The following C16orf96 variants were observed in gnomAD, a reference collection of about 807,000 sequenced individuals.
C16orf96 encodes the protein uncharacterized protein C16orf96.
A neutral mutation model predicts 103.6 loss-of-function variants in C16orf96; 108 were observed. The ratio of observed to expected loss-of-function variants is 1.04; its 90% confidence interval spans 0.89 to 1.22. The LOEUF (loss-of-function observed/expected upper bound fraction) is 1.22. Among genes scored for constraint, C16orf96 ranks in the 50% most tolerant of loss-of-function variants. The probability of loss-of-function intolerance (pLI) is 0.00; values close to 1 mark genes in which losing one functional copy is unlikely to be tolerated. For missense variants in C16orf96, 1,586 were observed against 1,464.2 expected (o/e 1.08, Z -1.36); for synonymous variants, 566 against 593.5 (o/e 0.95, Z 0.67).
chr16:4,569,220 A>T (rs2141707884), intron 1 of C16orf96, among the ~76,000 whole-genome samples: 1 of 152,004 alleles, frequency 6.6e-6, no homozygotes, highest in African/African-American at 2.4e-5. Context: ...CACTGGCCTC[A>T]GCCTCCCAAA....
In C16orf96 at chr16:4,568,105, A is replaced by G. The variant is rs1226927317; in HGVS notation, c.421-3456A>G. 2.6e-5 allele frequency among the ~76,000 whole-genome samples: 4 copies of G among 152,094 alleles called. No homozygotes were observed. In the East Asian group the frequency reaches 7.7e-4, roughly 29 times the overall value. On this transcript the variant is annotated intron_variant, in intron 1 of 15. Coordinates refer to ENST00000444310, the MANE Select transcript of C16orf96 (RefSeq NM_001145011.2). ...TGAATTATAGAGACGGGAGCTCACT[A>G]TGTTGCCCAGGCTGGTCTGGAACTC... is the stretch of plus-strand genomic sequence containing the variant.
chr16:4,580,079 T>C lies in C16orf96; in HGVS notation c.2306T>C (p.Leu769Ser), dbSNP rs1278462060. 6.5e-7 allele frequency: 1 copy of C among 1,547,864 alleles called. No homozygotes were observed. The highest frequency in any genetic ancestry group is 2.0e-5 in the Admixed American group (1 of 50,544). The change falls in exon 7 of 16, where the codon TTG becomes TCG. Residue 769 changes from leucine to serine, a missense_variant. By Grantham distance (145) the Leu-to-Ser change is moderately radical. Coordinates refer to ENST00000444310, the MANE Select transcript of C16orf96 (RefSeq NM_001145011.2). ...ATGATGAAGGATCGCTACATCACTT[T>C]GGACAAGGCGGTGGAGAACCTGCAG... is the stretch of plus-strand genomic sequence containing the variant. ...IEMMKDRYIT[L>S]DKAVENLQIR...
At chr16:4,596,014 G>A (rs1452956953) in intron 14 of C16orf96, among the ~76,000 whole-genome samples, 3 of 152,040 alleles carry the variant, frequency 2.0e-5, no homozygotes, top group Admixed American at 6.6e-5. Context: ...TCTTGCCAAC[G>A]CTGTGCCTCC....
chr16:4,571,434 C>G, intron 1 of C16orf96, 127 bp from the exon 2 acceptor site: 2 of 705,740 alleles, frequency 2.8e-6, no homozygotes, highest in Non-Finnish European at 2.3e-6. Flanking sequence ...CTTGTAGGTT[C>G]CAGTCTAGGC....
At position 4,573,623 on chromosome 16, in the gene C16orf96, G is replaced by C. The variant is rs1461067340; in HGVS notation, c.526-1086G>C. Reference sequence around the variant, plus strand: ...AAAAATTAGCTGGATGTGGTGGCAGGTACCTGTAGTCCCAGTTACTCAGGA... The same window carrying C: ...AAAAATTAGCTGGATGTGGTGGCAGCTACCTGTAGTCCCAGTTACTCAGGA... On this transcript the variant is annotated intron_variant, in intron 2 of 15. Coordinates refer to ENST00000444310, the MANE Select transcript of C16orf96 (RefSeq NM_001145011.2). Among the ~76,000 whole-genome samples the C allele has an allele frequency of 5.4e-4, 82 of 150,518 alleles. 1 individual carries two copies. Among genetic ancestry groups the C allele is most frequent in the Non-Finnish European group, 3.0e-5 (2 of 67,658 alleles).
At position 4,594,357 on chromosome 16, in the gene C16orf96, GCAGTGGCTGCAGCTC is replaced by G; in HGVS notation, c.2878_2892del (p.Trp960_Gln964del). 1 of 1,550,918 alleles carries G rather than the reference GCAGTGGCTGCAGCTC, an allele frequency of 6.4e-7. No homozygotes were observed. On this transcript the variant is annotated inframe_deletion, in exon 13 of 16. Transcript: ENST00000444310. ...ACCCACTGCCCTGCTGCAGGGAACAGCAGTGGCTGCAGCTCCAGGACCTCGGTATCCAGGAGGATT... is the reference window on the plus strand; with the variant it reads ...ACCCACTGCCCTGCTGCAGGGAACAGCAGGACCTCGGTATCCAGGAGGATT...
chr16:4,556,609 C>T lies in C16orf96; in HGVS notation c.120C>T (p.Ala40=), dbSNP rs765707375. Residue 40 remains alanine, a synonymous_variant, in exon 1 of 16, where the codon GCC becomes GCT. Transcript: ENST00000444310. ...GCATCTTGGAGCACATCCACATGGC[C>T]GAGCTCAAGAAAGTCCTCTCAGGCG... ...LHGILEHIHM[A]ELKKVLSGDE... is the part of the protein sequence containing the mutation. The T allele has an allele frequency of 6.4e-5, 100 of 1,551,572 alleles. No homozygotes were observed. Among genetic ancestry groups the T allele is most frequent in the Middle Eastern group, 1.7e-4 (1 of 6,012 alleles).
At chr16:4,564,451 T>C (rs1376120233) in intron 1 of C16orf96, among the ~76,000 whole-genome samples, 1 of 152,182 alleles carries the variant, frequency 6.6e-6, no homozygotes, top group Admixed American at 6.5e-5. Context: ...CTCCCCATTT[T>C]ACTCCCTCAG....
At chr16:4,594,555 C>T in intron 13 of C16orf96, 45 bp downstream of exon 13, 1 of 1,544,808 alleles carries the variant, frequency 6.5e-7, no homozygotes, top group Non-Finnish European at 8.8e-7. Flanking sequence ...GACGTCAGCG[C>T]ACCCCAGCCC....
chr16:4,571,237 G>T (rs1290697382), intron 1 of C16orf96, among the ~76,000 whole-genome samples: 14 of 152,196 alleles, frequency 9.2e-5, no homozygotes, highest in Admixed American at 9.2e-4. Flanking sequence ...ATCCTCCAGT[G>T]GCTCCTACCC....
At position 4,575,739 on chromosome 16, in the gene C16orf96, C is replaced by G; in HGVS notation, c.1259C>G (p.Pro420Arg). Reference protein sequence around the residue: ...LGVLRPTQPQPSRAPPPATEF... With the variant: ...LGVLRPTQPQRSRAPPPATEF... ...GTCCTGCGGCCAACTCAGCCCCAAC[C>G]CTCCAGGGCCCCACCACCAGCCACT... The change falls in exon 5 of 16, where the codon CCC becomes CGC. Residue 420 changes from proline to arginine, a missense_variant. Pro to Arg is a moderately radical substitution (Grantham distance 103, BLOSUM62 -2). Transcript: ENST00000444310. 1.9e-6 allele frequency: 3 copies of G among 1,540,526 alleles called. No individual in the cohort carries two copies. Among genetic ancestry groups the G allele is most frequent in the Non-Finnish European group, 2.6e-6 (3 of 1,141,984 alleles).
At chr16:4,565,294 T>A (rs1342655776) in intron 1 of C16orf96, among the ~76,000 whole-genome samples, 1 of 152,120 alleles carries the variant, frequency 6.6e-6, no homozygotes, top group Admixed American at 6.6e-5. Context: ...AAGCCCTGAA[T>A]GTGGCCCAGT....
intron 1 of C16orf96, among the ~76,000 whole-genome samples, chr16:4,559,519 C>T (rs1285488104): frequency 6.6e-6 from 1 of 151,468 alleles, no homozygotes; most frequent in Admixed American, 6.6e-5. Flanking sequence ...CCACTGCACT[C>T]CAGCCTGGGC....
chr16:4,594,248 G>A, intron 12 of C16orf96, 103 bp from the exon 13 acceptor site: 1 of 1,349,642 alleles, frequency 7.4e-7, no homozygotes, highest in Non-Finnish European at 1.0e-6. Context: ...CAAGCTGAAA[G>A]AAATGCTGGT....
At position 4,600,313 on chromosome 16, in the gene C16orf96, C is replaced by T. The variant is rs756786079; in HGVS notation, c.3422C>T (p.Pro1141Leu). ...AAGCCCCCCGAGGAGCCCGCCAACC[C>T]GTGAGCCCCACCCCGCTGCGCCCCC... is the stretch of plus-strand genomic sequence containing the variant. ...GRKPPEEPAN[P>L] Residue 1141 changes from proline to leucine, a missense_variant, in exon 16 of 16, where the codon CCG becomes CTG. Pro to Leu is a moderately conservative substitution (Grantham distance 98). Transcript: ENST00000444310. 5.4e-5 allele frequency: 84 copies of T among 1,548,180 alleles called. No individual in the cohort carries two copies. The highest frequency in any genetic ancestry group is 3.8e-4 in the Middle Eastern group (2 of 5,222).
At chr16:4,547,689 C>CTTCTTTCTTTCTTTCTTTCTTTCTTTCT in the C16orf96 span, among the ~76,000 whole-genome samples, 160 of 22,498 alleles carry the variant, frequency 7.1e-3, 2 homozygotes, top group African/African-American at 0.011. Context: ...TCCTTCCTTC[C>CTTCTTTCTTTCTTTCTTTCTTTCTTTCT]TTCTTTCTTT....
rs1374846831 is a variant in C16orf96 at position 4,600,658 on chromosome 16, T to C, written c.*341T>C. 2 of 331,844 alleles carry C rather than the reference T, an allele frequency of 6.0e-6. No homozygotes were observed. Among genetic ancestry groups the C allele is most frequent in the African/African-American group, 4.2e-5 (2 of 47,344 alleles). 20.6% of individuals were successfully genotyped at this position (331,844 alleles called of 1,614,324 possible). A position where few individuals can be genotyped will look rare whatever the true frequency, so the allele number is the denominator to read the frequency against. On this transcript the variant is annotated 3_prime_UTR_variant, in exon 16 of 16. Transcript: ENST00000444310. ...GAGGGGTCTGTGTAGGGGACCCCCA[T>C]GCTGACCCAGTGGCTGTTTTATCCT... is the stretch of plus-strand genomic sequence containing the variant.
At chr16:4,566,980 A>T (rs1399619529) in intron 1 of C16orf96, among the ~76,000 whole-genome samples, 5 of 151,464 alleles carry the variant, frequency 3.3e-5, no homozygotes, top group Non-Finnish European at 7.4e-5. Flanking sequence ...TTTCTGTACT[A>T]TTTTTTTATC....
rs983307175 is a variant in C16orf96 at position 4,593,634 on chromosome 16, C to T, written c.2867+318C>T. On this transcript the variant is annotated intron_variant, in intron 12 of 15. Transcript: ENST00000444310. This position sits in a 1 kb window ranked among gnomAD's most constrained non-coding sequence, Gnocchi z 4.2. ...CTATGCCCATGTCCCTGTTTCTTGG[C>T]GGAGGGAATCGGTGATGATGGGGAA... 1.3e-5 allele frequency among the ~76,000 whole-genome samples: 2 copies of T among 152,066 alleles called. No homozygotes were observed. Among genetic ancestry groups the T allele is most frequent in the African/African-American group, 4.8e-5 (2 of 41,394 alleles).
Sources: allele counts gnomAD v4.1 joint callset (sites outside exome capture counted in the v4.1 genomes callset), GRCh38; gene constraint gnomAD v4.1.1; non-coding constraint Gnocchi (gnomAD v3.1); transcripts MANE v1.5; gene names NCBI Gene and HGNC (gene_info 2026-07-23, HGNC 2026-07-21).